Variants in DDAH1 observed in about 807,000 individuals in gnomAD.
The protein encoded by DDAH1 is N(G),N(G)-dimethylarginine dimethylaminohydrolase 1.
A neutral mutation model predicts 28.8 loss-of-function variants in DDAH1; 19 were observed. The ratio of observed to expected loss-of-function variants is 0.66; its 90% confidence interval spans 0.46 to 0.97. The LOEUF is 0.97. DDAH1 is among the 50% of genes least tolerant of loss of function. The pLI is 0.00. For missense variants in DDAH1, 326 were observed against 375.9 expected (o/e 0.87, Z 1.10); for synonymous variants, 153 against 154.4 (o/e 0.99, Z 0.07).
rs201370663 is a variant in DDAH1, at chr1:85,464,756, C to G, written c.290G>C (p.Ser97Thr). The G allele has an allele frequency of 3.7e-5, 57 of 1,550,194 alleles. No homozygotes were observed. The highest frequency in any genetic ancestry group is 6.1e-6 in the Non-Finnish European group (7 of 1,153,674). Residue 97 changes from serine to threonine, a missense_variant, in exon 1 of 6, where the codon AGC (serine) becomes ACC (threonine). Physicochemically the swap from Ser to Thr is moderately conservative, Grantham distance 58 (BLOSUM62 1). Transcript: ENST00000284031. This position sits in a 1 kb window ranked among gnomAD's most constrained non-coding sequence, Gnocchi z 4.4. ...GTCGGCAGTTACCTCCTTCCTCCGGCTCGGCGCCCCGGGTCGGGTGATGAG... is the reference window on the plus strand; with the variant it reads ...GTCGGCAGTTACCTCCTTCCTCCGGGTCGGCGCCCCGGGTCGGGTGATGAG... ...TALITRPGAPSRRKEVDMMKE... is the reference protein window; with the variant it reads ...TALITRPGAPTRRKEVDMMKE...
At chr1:85,430,691 C>A (rs780235655) in intron 1 of DDAH1, among the ~76,000 whole-genome samples, 6 of 151,858 alleles carry the variant, frequency 4.0e-5, no homozygotes, top group Non-Finnish European at 7.4e-5. Context: ...CATGATTTGG[C>A]TCTCTATTAT....
intron 1 of DDAH1, among the ~76,000 whole-genome samples, chr1:85,565,988 G>A (rs1659286017): frequency 6.6e-6 from 1 of 151,980 alleles, no homozygotes; most frequent in South Asian, 2.1e-4. Flanking sequence ...GGCTGAGACA[G>A]GAGAATCACT....
chr1:85,426,088 G>A (rs754173615), intron 1 of DDAH1, among the ~76,000 whole-genome samples: 3 of 152,034 alleles, frequency 2.0e-5, no homozygotes, highest in East Asian at 1.9e-4. Context: ...GAATACATAC[G>A]TAACACTTAT....
chr1:85,325,643 T>C (rs1330992646), intron 4 of DDAH1, among the ~76,000 whole-genome samples: 1 of 151,692 alleles, frequency 6.6e-6, no homozygotes, highest in Non-Finnish European at 1.5e-5. Context: ...GGTCTGTTCT[T>C]CAAATGATGA....
intron 2 of DDAH1, among the ~76,000 whole-genome samples, chr1:85,479,287 C>A (rs1300807155): frequency 6.6e-6 from 1 of 150,858 alleles, no homozygotes; most frequent in Non-Finnish European, 1.5e-5. Context: ...CATTCTCCTG[C>A]CTCAGCCTCC....
intron 1 of DDAH1, among the ~76,000 whole-genome samples, chr1:85,511,527 C>CA (rs1394030424): frequency 1.3e-5 from 2 of 152,008 alleles, no homozygotes; most frequent in Non-Finnish European, 2.9e-5. Context: ...GATAGAGACA[C>CA]AAAAAACCCT....
chr1:85,327,050 T>C (rs1647449058), intron 4 of DDAH1, among the ~76,000 whole-genome samples: 1 of 152,252 alleles, frequency 6.6e-6, no homozygotes, highest in African/African-American at 2.4e-5. Context: ...TATGCAGATT[T>C]TCTTTTTGGC....
At chr1:85,565,543 C>T (rs1203174958) in intron 1 of DDAH1, among the ~76,000 whole-genome samples, 1 of 151,856 alleles carries the variant, frequency 6.6e-6, no homozygotes, top group African/African-American at 2.4e-5. Flanking sequence ...TTTGCGACTT[C>T]CTATGAGCCT....
intron 1 of DDAH1, among the ~76,000 whole-genome samples, chr1:85,511,252 T>C (rs1657220080): frequency 6.6e-6 from 1 of 152,172 alleles, no homozygotes; most frequent in Non-Finnish European, 1.5e-5. Context: ...GAATGACTAC[T>C]GGGTAAATAA....
chr1:85,448,161 G>A (rs748407545), intron 1 of DDAH1: 7 of 153,424 alleles, frequency 4.6e-5, no homozygotes, highest in Non-Finnish European at 7.3e-5. Flanking sequence ...AAGCTCATCA[G>A]CTATTGTGTT....
At chr1:85,429,400 T>C (rs1653564636) in intron 1 of DDAH1, among the ~76,000 whole-genome samples, 1 of 152,256 alleles carries the variant, frequency 6.6e-6, no homozygotes, top group Non-Finnish European at 1.5e-5. Flanking sequence ...CACATTTTCT[T>C]TATCCAGTCT....
At chr1:85,465,267 C>A, upstream of DDAH1, 3 of 1,039,990 alleles carry the variant, frequency 2.9e-6, no homozygotes, top group South Asian at 4.7e-5. Flanking sequence ...CTCCGGCGCT[C>A]GCGGGTCTCG....
intron 2 of DDAH1, among the ~76,000 whole-genome samples, chr1:85,481,827 C>G (rs1029496954): frequency 6.6e-6 from 1 of 152,224 alleles, no homozygotes; most frequent in African/African-American, 2.4e-5. Flanking sequence ...CTCCAGAAAG[C>G]TTATTGACTC....
At chr1:85,368,443 A>T (rs1570441959) in intron 1 of DDAH1, among the ~76,000 whole-genome samples, 1 of 152,184 alleles carries the variant, frequency 6.6e-6, no homozygotes, top group African/African-American at 2.4e-5. Flanking sequence ...CGATGTCACT[A>T]CAAGACAGTT....
At chr1:85,410,960 G>A (rs907239832) in intron 1 of DDAH1, among the ~76,000 whole-genome samples, 1 of 152,072 alleles carries the variant, frequency 6.6e-6, no homozygotes, top group Non-Finnish European at 1.5e-5. Flanking sequence ...AGTATAAAAG[G>A]GTAGAGTCAA....
chr1:85,364,705 C>T (rs867976407), intron 1 of DDAH1, among the ~76,000 whole-genome samples: 3 of 152,188 alleles, frequency 2.0e-5, no homozygotes. Flanking sequence ...CCACCACACC[C>T]GGCTAATTTT....
At chr1:85,516,156 G>A (rs1657464110) in intron 1 of DDAH1, among the ~76,000 whole-genome samples, 1 of 151,866 alleles carries the variant, frequency 6.6e-6, no homozygotes, top group Non-Finnish European at 1.5e-5. Context: ...GTCACATTCT[G>A]AGGTACTGGG....
chr1:85,358,918 T>A, intron 1 of DDAH1, 71 bp from the exon 2 acceptor site: 1 of 1,143,622 alleles, frequency 8.7e-7, no homozygotes, highest in Non-Finnish European at 1.3e-6. Context: ...CCAAAACATC[T>A]AAACACTAAA....
intron 1 of DDAH1, among the ~76,000 whole-genome samples, chr1:85,367,217 G>A (rs542435730): frequency 9.9e-4 from 150 of 152,170 alleles, no homozygotes; most frequent in Middle Eastern, 3.4e-3. Flanking sequence ...GAAAAAGAAG[G>A]ATCTAACAAG....
Sources: allele counts gnomAD v4.1 joint callset (sites outside exome capture counted in the v4.1 genomes callset), GRCh38; gene constraint gnomAD v4.1.1; non-coding constraint Gnocchi (gnomAD v3.1); transcripts MANE v1.5; gene names NCBI Gene and HGNC (gene_info 2026-07-23, HGNC 2026-07-21).